ZFP2: variants seen among roughly 807,000 people sequenced by gnomAD.
ZFP2 encodes the protein zinc finger protein ZFP2.
Under a neutral mutation model 36.1 loss-of-function variants are expected in ZFP2, and 33 were observed. The observed-to-expected ratio is 0.92, with a 90% confidence interval of 0.69 to 1.22. The LOEUF (loss-of-function observed/expected upper bound fraction) is 1.22, where lower values mean the gene tolerates loss of function less well. Among genes scored for constraint, ZFP2 ranks in the 50% most tolerant of loss-of-function variants. ZFP2 has a pLI of 0.00. For missense variants in ZFP2, 522 were observed against 551.4 expected (o/e 0.95, Z 0.53); for synonymous variants, 170 against 178.0 (o/e 0.96, Z 0.36).
intron 1 of ZFP2, among the ~76,000 whole-genome samples, chr5:178,909,408 C>T (rs1758242155): frequency 6.6e-6 from 1 of 152,218 alleles, no homozygotes; most frequent in Non-Finnish European, 1.5e-5. Flanking sequence ...CACATCCTCA[C>T]CACCTGCTGC....
Position 178,932,246 on chromosome 5 carries a change from A to G in ZFP2, c.933A>G (p.Thr311=), listed in dbSNP as rs766392077. 5.6e-6 allele frequency: 9 copies of G among 1,614,170 alleles called. No individual in the cohort carries two copies. The highest frequency in any genetic ancestry group is 1.6e-4 in the Middle Eastern group (1 of 6,062). ...GCGGGAAATCCTTTAGCCAAAGTAC[A>G]TATCTTATAGAACATCAGAGACTTC... ...NKCGKSFSQS[T]YLIEHQRLHS... The change falls in exon 5 of 5, where the codon ACA becomes ACG. Residue 311 remains threonine (T), a synonymous_variant. Transcript: ENST00000361362.
At chr5:178,919,012 A>T (rs540585243) in intron 4 of ZFP2, among the ~76,000 whole-genome samples, 2 of 152,224 alleles carry the variant, frequency 1.3e-5, no homozygotes, top group Non-Finnish European at 2.9e-5. Context: ...GGGAAAAATT[A>T]AAAATTTCCC....
At chr5:178,912,779 G>A in intron 2 of ZFP2, 60 bp downstream of exon 2, 1 of 1,034,666 alleles carries the variant, frequency 9.7e-7, no homozygotes, top group Non-Finnish European at 1.2e-6. Flanking sequence ...TGATCATAAG[G>A]CATTGTTTTA....
chr5:178,902,216 CAT>C (rs200364876), intron 1 of ZFP2, among the ~76,000 whole-genome samples: 1,532 of 152,312 alleles, frequency 0.01, 13 homozygotes, highest in Middle Eastern at 0.017. Context: ...TATACACACA[CAT>C]GTTTGTGTAT....
chr5:178,909,565 G>A, intron 1 of ZFP2: 2 of 668,236 alleles, frequency 3.0e-6, no homozygotes, highest in Non-Finnish European at 4.3e-6. Flanking sequence ...AGCCCCCACG[G>A]CCTGGTGTTG....
chr5:178,927,098 C>T (rs1581842539), intron 4 of ZFP2, among the ~76,000 whole-genome samples: 2 of 152,278 alleles, frequency 1.3e-5, no homozygotes, highest in East Asian at 3.9e-4. Context: ...CAGTCCTCTA[C>T]CCCTTATTTT....
In ZFP2 at chr5:178,932,013, A is replaced by G; in HGVS notation, c.700A>G (p.Arg234Gly). 6.2e-7 allele frequency: 1 copy of G among 1,613,886 alleles called. No individual in the cohort carries two copies. Among genetic ancestry groups the G allele is most frequent in the Admixed American group, 1.7e-5 (1 of 59,976 alleles). ...AAGCATGAATTTGACAGTTCATCAG[A>G]GAACTCATACAGGAGAAAAACCCTA... ...TQSMNLTVHQRTHTGEKPYEC... is the reference protein window; with the variant it reads ...TQSMNLTVHQGTHTGEKPYEC... The change falls in exon 5 of 5, where the codon AGA (arginine) becomes GGA (glycine). Residue 234 changes from arginine (R) to glycine (G), a missense_variant. Physicochemically the swap from Arg to Gly is moderately radical, Grantham distance 125. Coordinates refer to ENST00000361362, the MANE Select transcript of ZFP2 (RefSeq NM_030613.4).
intron 4 of ZFP2, among the ~76,000 whole-genome samples, chr5:178,923,373 G>A (rs1758601494): frequency 1.3e-5 from 2 of 149,424 alleles, no homozygotes; most frequent in African/African-American, 4.9e-5. Context: ...TACCTCATAT[G>A]AGTTGAATCA....
At chr5:178,914,461 G>A (rs945300353) in intron 3 of ZFP2, among the ~76,000 whole-genome samples, 1 of 151,990 alleles carries the variant, frequency 6.6e-6, no homozygotes, top group South Asian at 2.1e-4. Flanking sequence ...ATGAAAGGTA[G>A]TGTTAATTAC....
At position 178,931,905 on chromosome 5, in the gene ZFP2, A is replaced by T; in HGVS notation, c.592A>T (p.Asn198Tyr). The change falls in exon 5 of 5, where the codon AAT (asparagine) becomes TAT (tyrosine). Residue 198 changes from asparagine (N) to tyrosine (Y), a missense_variant. Asn to Tyr is a moderately radical substitution (Grantham distance 143). Coordinates refer to ENST00000361362, the MANE Select transcript of ZFP2 (RefSeq NM_030613.4). ...AGAGTGTGGCAAAGCCTTCCATAAG[A>T]ATTCATCTCTTATTCAGCATGAAAG... ...CKECGKAFHKNSSLIQHERIH... is the reference protein window; with the variant it reads ...CKECGKAFHKYSSLIQHERIH... 1 of 1,613,978 alleles carries T rather than the reference A, an allele frequency of 6.2e-7. No homozygotes were observed. Among genetic ancestry groups the T allele is most frequent in the Non-Finnish European group, 8.5e-7 (1 of 1,179,990 alleles).
chr5:178,932,067 A>C lies in ZFP2; in HGVS notation c.754A>C (p.Ser252Arg). Residue 252 changes from serine (S) to arginine (R), a missense_variant, in exon 5 of 5, where the codon AGT becomes CGT. Ser to Arg is a moderately radical substitution (Grantham distance 110). Coordinates refer to ENST00000361362, the MANE Select transcript of ZFP2 (RefSeq NM_030613.4). ...YECNECGKAFSQSMHLIVHQR... is the reference protein window; with the variant it reads ...YECNECGKAFRQSMHLIVHQR... ...ATGTAATGAATGTGGAAAAGCCTTC[A>C]GTCAAAGCATGCATCTTATTGTACA... 1 of 1,614,186 alleles carries C rather than the reference A, an allele frequency of 6.2e-7. No individual in the cohort carries two copies. The highest frequency in any genetic ancestry group is 8.5e-7 in the Non-Finnish European group (1 of 1,180,040).
intron 1 of ZFP2, among the ~76,000 whole-genome samples, chr5:178,897,260 A>G (rs976333164): frequency 6.6e-6 from 1 of 152,230 alleles, no homozygotes; most frequent in African/African-American, 2.4e-5. Flanking sequence ...TGTGAATGTT[A>G]GTATTCTCTT....
Position 178,932,901 on chromosome 5 carries a change from T to A in ZFP2, c.*202T>A, listed in dbSNP as rs1488024405. 1 of 667,420 alleles carries A rather than the reference T, an allele frequency of 1.5e-6. No individual in the cohort carries two copies. Among genetic ancestry groups the A allele is most frequent in the Non-Finnish European group, 2.4e-6 (1 of 420,036 alleles). The allele number at this position is 667,420 out of a possible 1,614,324, so 41.3% of individuals were successfully genotyped here. A position where few individuals can be genotyped will look rare whatever the true frequency, so the allele number is the denominator to read the frequency against. On this transcript the variant is annotated 3_prime_UTR_variant, in exon 5 of 5. Transcript: ENST00000361362. ...TTCAGAATGTATAATTTCCTTTATA[T>A]CAGAAGGTTTAAATAGCTAATATAA...
At chr5:178,920,241 A>G (rs1277076507) in intron 4 of ZFP2, among the ~76,000 whole-genome samples, 1 of 151,996 alleles carries the variant, frequency 6.6e-6, no homozygotes, top group African/African-American at 2.4e-5. Context: ...AATTTCTTTT[A>G]ATCTGTCTTC....
At chr5:178,908,265 G>T (rs187824618) in intron 1 of ZFP2, among the ~76,000 whole-genome samples, 2 of 152,162 alleles carry the variant, frequency 1.3e-5, no homozygotes, top group Admixed American at 6.5e-5. Flanking sequence ...TGGCTAACAT[G>T]GTGAAACCCT....
At chr5:178,907,443 A>G (rs145867089) in intron 1 of ZFP2, among the ~76,000 whole-genome samples, 1 of 151,894 alleles carries the variant, frequency 6.6e-6, no homozygotes, top group Admixed American at 6.6e-5. Flanking sequence ...ATTACCCCAC[A>G]TGAGCCTGAC....
intron 4 of ZFP2, among the ~76,000 whole-genome samples, chr5:178,927,042 T>C (rs1209747139): frequency 1.3e-5 from 2 of 151,798 alleles, no homozygotes; most frequent in African/African-American, 4.8e-5. Flanking sequence ...TCTCTCTCTG[T>C]TGACTTCGAT....
intron 1 of ZFP2, among the ~76,000 whole-genome samples, chr5:178,896,715 T>C (rs183147572): frequency 6.6e-6 from 1 of 152,352 alleles, no homozygotes; most frequent in East Asian, 1.9e-4. Flanking sequence ...GATATGTGTA[T>C]AAGCATAGAA....
chr5:178,907,561 A>G (rs1375769467), intron 1 of ZFP2, among the ~76,000 whole-genome samples: 7 of 151,932 alleles, frequency 4.6e-5, no homozygotes, highest in African/African-American at 1.2e-4. Context: ...GTTTGGCACA[A>G]TTCAGGCCCA....
Sources: allele counts gnomAD v4.1 joint callset (sites outside exome capture counted in the v4.1 genomes callset), GRCh38; gene constraint gnomAD v4.1.1; transcripts MANE v1.5; gene names NCBI Gene and HGNC (gene_info 2026-07-23, HGNC 2026-07-21).